The following FOXP1 variants were observed in gnomAD, a reference collection of about 807,000 sequenced individuals.
FOXP1 encodes forkhead box P1.
Under a neutral mutation model 98.2 loss-of-function variants are expected in FOXP1, and 15 were observed. The ratio of observed to expected loss-of-function variants is 0.15; its 90% CI spans 0.10 to 0.24. The LOEUF (loss-of-function observed/expected upper bound fraction) is 0.24. Ranked by LOEUF, FOXP1 falls within the 10% of genes least tolerant of loss-of-function variation. FOXP1 has a pLI of 1.00. For synonymous variants in FOXP1, 371 were observed against 314.5 expected, an observed-to-expected ratio of 1.18 and a Z score of -1.90; for missense variants, 633 against 848.5, an observed-to-expected ratio of 0.75 and a Z score of 3.15.
At chr3:71,303,837 G>A (rs1369445281) in intron 4 of FOXP1, among the ~76,000 whole-genome samples, 1 of 151,728 alleles carries the variant, frequency 6.6e-6, no homozygotes, top group African/African-American at 2.4e-5. Flanking sequence ...AAAACAGAGG[G>A]GAAAAAGAAA....
At chr3:70,992,895 C>T (rs2040824779) in intron 13 of FOXP1, among the ~76,000 whole-genome samples, 2 of 152,174 alleles carry the variant, frequency 1.3e-5, no homozygotes, top group African/African-American at 2.4e-5. Flanking sequence ...CAATATGGAA[C>T]TACCGTGCTG....
At chr3:71,189,604 T>C (rs146841937) in intron 6 of FOXP1, among the ~76,000 whole-genome samples, 3,895 of 152,310 alleles carry the variant, frequency 0.026, 65 homozygotes, top group Middle Eastern at 0.071. Flanking sequence ...TTCTGTTTCA[T>C]TGGTGCCCCC....
chr3:71,184,768 T>TG (rs200188586), intron 6 of FOXP1, among the ~76,000 whole-genome samples: 9,576 of 150,828 alleles, frequency 0.063, 382 homozygotes, highest in African/African-American at 0.11. Flanking sequence ...TTTTTTTTTT[T>TG]GGGGGGGGCA....
chr3:71,141,317 T>C (rs913190232), intron 6 of FOXP1, among the ~76,000 whole-genome samples: 14 of 149,178 alleles, frequency 9.4e-5, no homozygotes, highest in Non-Finnish European at 1.3e-4. Context: ...AGACTGTCCA[T>C]GACTTGAAAA....
At chr3:71,425,850 T>C (rs763770591) in intron 3 of FOXP1, among the ~76,000 whole-genome samples, 1 of 152,176 alleles carries the variant, frequency 6.6e-6, no homozygotes, top group Admixed American at 6.5e-5. Context: ...TGAAGGGCCA[T>C]TAAATTGAGC....
At chr3:71,261,902 G>A (rs1284381995) in intron 5 of FOXP1, among the ~76,000 whole-genome samples, 1 of 152,106 alleles carries the variant, frequency 6.6e-6, no homozygotes, top group African/African-American at 2.4e-5. Context: ...TTTTGGAACT[G>A]TCCTCCATAC....
chr3:71,297,331 A>AT (rs1333769017), intron 5 of FOXP1, among the ~76,000 whole-genome samples: 2 of 151,998 alleles, frequency 1.3e-5, no homozygotes, highest in South Asian at 2.1e-4. Flanking sequence ...TTTCTTTCCA[A>AT]TTTTTCCCTT....
rs748580568 is a variant in FOXP1 at position 70,957,433 on chromosome 3, T to C, written c.*1814A>G. 4.3e-6 allele frequency: 1 copy of C among 230,206 alleles called. No homozygotes were observed. The highest frequency in any genetic ancestry group is 8.6e-6 in the Non-Finnish European group (1 of 115,960). 14.3% of individuals were successfully genotyped at this position (230,206 alleles called of 1,614,324 possible). A position where few individuals can be genotyped will look rare whatever the true frequency, so the allele number is the denominator to read the frequency against. Reference sequence around the variant, plus strand: ...TTGCCTCTAAATTCTTTTGCCTCCTTTGATCAACAATAAGAGGATATTTGG... The same window carrying C: ...TTGCCTCTAAATTCTTTTGCCTCCTCTGATCAACAATAAGAGGATATTTGG... On this transcript the variant is annotated 3_prime_UTR_variant, in exon 21 of 21. Transcript: ENST00000649528.
At chr3:71,402,102 T>C (rs2081991578) in intron 3 of FOXP1, among the ~76,000 whole-genome samples, 1 of 152,198 alleles carries the variant, frequency 6.6e-6, no homozygotes. Flanking sequence ...CTAATTCTAC[T>C]TCCAGGTATT....
intron 6 of FOXP1, among the ~76,000 whole-genome samples, chr3:71,184,040 T>A (rs1213920939): frequency 6.6e-6 from 1 of 152,064 alleles, no homozygotes; most frequent in Non-Finnish European, 1.5e-5. Flanking sequence ...TAATCCTAGC[T>A]ACTTGAGAGG....
intron 14 of FOXP1, among the ~76,000 whole-genome samples, chr3:70,979,266 T>G (rs2038266311): frequency 1.1e-5 from 1 of 93,964 alleles, no homozygotes; most frequent in Non-Finnish European, 1.9e-5. Context: ...GGTGATAGAG[T>G]GAGACTCTAC....
At chr3:71,175,379 C>T (rs1478536044) in intron 6 of FOXP1, among the ~76,000 whole-genome samples, 1 of 152,212 alleles carries the variant, frequency 6.6e-6, no homozygotes, top group Non-Finnish European at 1.5e-5. Flanking sequence ...ACGATGACAC[C>T]TTCAAGGAAT....
At chr3:71,025,043 T>C (rs2177291) in intron 11 of FOXP1, among the ~76,000 whole-genome samples, 125,186 of 152,196 alleles carry the variant, frequency 0.82, 52,131 homozygotes, top group African/African-American at 0.95. Flanking sequence ...AAAGTTTTTA[T>C]GAGTACATCA....
At chr3:71,093,065 A>G (rs2056059720) in intron 7 of FOXP1, among the ~76,000 whole-genome samples, 1 of 152,070 alleles carries the variant, frequency 6.6e-6, no homozygotes, top group Admixed American at 6.5e-5. Context: ...GTTTGAGACC[A>G]GCCTGGCCAA....
chr3:71,122,550 G>A (rs1322972224), intron 6 of FOXP1, among the ~76,000 whole-genome samples: 4 of 152,160 alleles, frequency 2.6e-5, no homozygotes, highest in African/African-American at 7.2e-5. Flanking sequence ...AGGGACAAGT[G>A]CAGCATAACT....
chr3:71,524,714 A>C (rs1376955916), intron 2 of FOXP1, among the ~76,000 whole-genome samples: 1 of 152,232 alleles, frequency 6.6e-6, no homozygotes, highest in Non-Finnish European at 1.5e-5. Context: ...GTTCCGCTAC[A>C]AAGCAACGAC....
intron 5 of FOXP1, among the ~76,000 whole-genome samples, chr3:71,222,136 A>C (rs1204408324): frequency 6.6e-6 from 1 of 152,094 alleles, no homozygotes; most frequent in Non-Finnish European, 1.5e-5. Flanking sequence ...CTGGTGCCAG[A>C]GCGAGATTCC....
chr3:71,198,980 C>A (rs892465403), intron 5 of FOXP1, among the ~76,000 whole-genome samples: 1 of 151,848 alleles, frequency 6.6e-6, no homozygotes, highest in Non-Finnish European at 1.5e-5. Flanking sequence ...GCAGCCACTG[C>A]GCCGGGCCCA....
intron 11 of FOXP1, among the ~76,000 whole-genome samples, chr3:71,035,358 T>A (rs1199243682): frequency 6.6e-6 from 1 of 152,188 alleles, no homozygotes; most frequent in African/African-American, 2.4e-5. Context: ...ATGGTGAAGG[T>A]CAGGGGTCAG....
Sources: gnomAD v4.1 joint callset for allele counts (sites outside exome capture counted in the v4.1 genomes callset) on GRCh38, gnomAD v4.1.1 for gene constraint, MANE v1.5 for transcripts, NCBI Gene and HGNC (gene_info 2026-07-23, HGNC 2026-07-21) for gene names.